The following TSPAN5 variants were observed in gnomAD, a reference collection of about 807,000 sequenced individuals.
The protein encoded by TSPAN5 is tetraspanin 5.
In TSPAN5, 10 loss-of-function variants were observed where a neutral mutation model predicts 37.1. The observed-to-expected ratio is 0.27, with a 90% CI of 0.17 to 0.46. TSPAN5 has a LOEUF of 0.46. TSPAN5 is among the 20% of genes least tolerant of loss of function. TSPAN5 has a pLI of 1.00. For synonymous variants in TSPAN5, 110 were observed against 118.9 expected (o/e 0.93, Z 0.48); for missense variants, 195 against 326.6 (o/e 0.60, Z 3.11).
At chr4:98,578,700 A>G in intron 1 of TSPAN5, among the ~76,000 whole-genome samples, 1 of 152,144 alleles carries the variant, frequency 6.6e-6, no homozygotes, top group Non-Finnish European at 1.5e-5. Context: ...GCTTACAGGC[A>G]TGAGCCACCT....
chr4:98,592,482 T>C (rs376286832), intron 1 of TSPAN5, among the ~76,000 whole-genome samples: 229 of 145,082 alleles, frequency 1.6e-3, no homozygotes, highest in African/African-American at 5.8e-3. Context: ...CATGTGCACA[T>C]TGTGCAGGTT....
chr4:98,540,529 G>A (rs1051610419), intron 1 of TSPAN5, among the ~76,000 whole-genome samples: 4 of 152,130 alleles, frequency 2.6e-5, no homozygotes, highest in African/African-American at 9.7e-5. Flanking sequence ...GTAGAGATGG[G>A]GTTTCGCCAT....
chr4:98,580,678 GTTAT>G (rs1755347232), intron 1 of TSPAN5, among the ~76,000 whole-genome samples: 1 of 152,170 alleles, frequency 6.6e-6, no homozygotes, highest in African/African-American at 2.4e-5. Context: ...CATAAAGAGA[GTTAT>G]TTATTTGATT....
intron 1 of TSPAN5, among the ~76,000 whole-genome samples, chr4:98,559,178 C>A (rs1043663058): frequency 6.6e-6 from 1 of 152,136 alleles, no homozygotes; most frequent in Non-Finnish European, 1.5e-5. Flanking sequence ...ATTTCCCTCC[C>A]ATGTTTTCTA....
chr4:98,625,204 C>T (rs533985981), intron 1 of TSPAN5, among the ~76,000 whole-genome samples: 8 of 152,234 alleles, frequency 5.3e-5, no homozygotes, highest in South Asian at 2.1e-4. Flanking sequence ...TTTTTATACC[C>T]TTCTGCTCAA....
chr4:98,621,637 G>A (rs375377429), intron 1 of TSPAN5, among the ~76,000 whole-genome samples: 19 of 152,092 alleles, frequency 1.2e-4, no homozygotes, highest in Non-Finnish European at 1.9e-4. Flanking sequence ...CAAAGTGCTA[G>A]GATAACAGGC....
At chr4:98,503,188 TG>T (rs1578951654) in intron 2 of TSPAN5, among the ~76,000 whole-genome samples, 1 of 152,066 alleles carries the variant, frequency 6.6e-6, no homozygotes, top group East Asian at 1.9e-4. Flanking sequence ...GGTAACCAGT[TG>T]GGTCTGCAAC....
chr4:98,651,864 C>CTT (rs552597633), intron 1 of TSPAN5, among the ~76,000 whole-genome samples: 23 of 95,242 alleles, frequency 2.4e-4, no homozygotes, highest in Non-Finnish European at 4.2e-4. Flanking sequence ...CTTCAACATA[C>CTT]TTTTTTTTTT....
chr4:98,472,480 G>T lies in TSPAN5; in HGVS notation c.*42C>A. On this transcript the variant is annotated 3_prime_UTR_variant, in exon 8 of 8. Coordinates refer to ENST00000305798, the MANE Select transcript of TSPAN5 (RefSeq NM_005723.4). ...TTCGGCACGCGGGAGGGTCCCGAAA[G>T]CTGGGTCTGTCCAGTGTCTTGCAGC... The T allele has an allele frequency of 6.3e-7, 1 of 1,598,476 alleles. No homozygotes were observed. Among genetic ancestry groups the T allele is most frequent in the Non-Finnish European group, 8.6e-7 (1 of 1,167,884 alleles).
intron 1 of TSPAN5, among the ~76,000 whole-genome samples, chr4:98,564,010 C>T (rs1362638751): frequency 6.6e-6 from 1 of 152,110 alleles, no homozygotes; most frequent in Non-Finnish European, 1.5e-5. Flanking sequence ...AGGCCTAGAA[C>T]CAGTAAGTAC....
chr4:98,586,390 T>A (rs558867546), intron 1 of TSPAN5, among the ~76,000 whole-genome samples: 1 of 152,296 alleles, frequency 6.6e-6, no homozygotes, highest in African/African-American at 2.4e-5. Flanking sequence ...GAAACCAGAC[T>A]GCAGATTTGC....
At chr4:98,621,837 AT>A (rs34344408) in intron 1 of TSPAN5, among the ~76,000 whole-genome samples, 82,609 of 147,504 alleles carry the variant, frequency 0.56, 24,048 homozygotes, top group African/African-American at 0.73. Context: ...TGTCTCTATG[AT>A]TTTTGCCTAT....
chr4:98,518,143 C>G lies in TSPAN5; in HGVS notation c.82-10415G>C, dbSNP rs57112156. ...TTCCTAGGCTCAAGTGATCCTCCCC[C>G]CTTTAGCCTCCAAAAGTGCTGGGAT... is the stretch of plus-strand genomic sequence containing the variant. On this transcript the variant is annotated intron_variant, in intron 1 of 7. Coordinates refer to ENST00000305798, the MANE Select transcript of TSPAN5 (RefSeq NM_005723.4). 8.1e-4 allele frequency among the ~76,000 whole-genome samples: 123 copies of G among 151,728 alleles called. 4 individuals carry two copies. In the East Asian group the frequency reaches 0.022, roughly 27 times the overall value.
rs115322704 is a variant in TSPAN5, at chr4:98,562,198, G to A, written c.82-54470C>T. 4.5e-3 allele frequency among the ~76,000 whole-genome samples: 687 copies of A among 152,302 alleles called. 4 individuals are homozygous for A. The highest frequency in any genetic ancestry group is 0.015 in the African/African-American group (627 of 41,542). ...GAAGGAATTCAAAGAGCTCTGATGG[G>A]AAACAGTAAGGCCAGATTTGTGTTT... On this transcript the variant is annotated intron_variant, in intron 1 of 7. Transcript: ENST00000305798.
intron 1 of TSPAN5, chr4:98,657,780 A>C (rs1307081309): frequency 3.4e-6 from 1 of 297,824 alleles, no homozygotes; most frequent in Non-Finnish European, 6.4e-6. Context: ...CTATTATGAC[A>C]CCACGCTCTG....
At chr4:98,628,616 C>T (rs1756662627) in intron 1 of TSPAN5, among the ~76,000 whole-genome samples, 1 of 152,182 alleles carries the variant, frequency 6.6e-6, no homozygotes, top group African/African-American at 2.4e-5. Context: ...AACCAGCTCC[C>T]TGATAGGCAT....
intron 1 of TSPAN5, among the ~76,000 whole-genome samples, chr4:98,627,075 T>C (rs1325161394): frequency 1.3e-5 from 2 of 152,104 alleles, no homozygotes; most frequent in African/African-American, 4.8e-5. Flanking sequence ...GCAGAGCGCC[T>C]AGCTCTCCTC....
intron 1 of TSPAN5, among the ~76,000 whole-genome samples, chr4:98,529,589 T>A (rs574211741): frequency 6.6e-6 from 1 of 152,330 alleles, no homozygotes; most frequent in South Asian, 2.1e-4. Context: ...AGACATTAAG[T>A]AGCCTGGACT....
At chr4:98,495,527 G>A (rs6837965) in intron 2 of TSPAN5, among the ~76,000 whole-genome samples, 63,154 of 125,536 alleles carry the variant, frequency 0.5, 14,175 homozygotes, top group South Asian at 0.6. Flanking sequence ...GAGAGCCTCC[G>A]TCTCAAAAAA....
Sources: gnomAD v4.1 joint callset for allele counts (sites outside exome capture counted in the v4.1 genomes callset) on GRCh38, gnomAD v4.1.1 for gene constraint, MANE v1.5 for transcripts, NCBI Gene and HGNC (gene_info 2026-07-23, HGNC 2026-07-21) for gene names.